The following SULT2B1 variants were observed in gnomAD, a reference collection of about 807,000 sequenced individuals.
SULT2B1 encodes the protein sulfotransferase family 2B member 1, also known as sulfotransferase 2B1.
Under a neutral mutation model 33.2 loss-of-function variants are expected in SULT2B1, and 16 were observed. The ratio of observed to expected loss-of-function variants is 0.48; its 90% CI spans 0.33 to 0.73. The LOEUF is 0.73. Ranked by LOEUF, SULT2B1 falls within the 30% of genes least tolerant of loss-of-function variation. The pLI, the probability that SULT2B1 is intolerant of heterozygous loss-of-function variation, is 0.02. For missense variants in SULT2B1, 500 were observed against 506.0 expected (o/e 0.99, Z 0.11); for synonymous variants, 186 against 200.5 (o/e 0.93, Z 0.61).
At chr19:48,574,261 C>A (rs1033876893) in intron 1 of SULT2B1, among the ~76,000 whole-genome samples, 7 of 152,102 alleles carry the variant, frequency 4.6e-5, no homozygotes, top group African/African-American at 1.7e-4. Context: ...TCCTGGTAAA[C>A]CCCTTCATTC....
At chr19:48,597,674 A>T (rs1243829257) in intron 6 of SULT2B1, among the ~76,000 whole-genome samples, 1 of 80,518 alleles carries the variant, frequency 1.2e-5, no homozygotes, top group Non-Finnish European at 2.2e-5. Flanking sequence ...ACGGAGTTTC[A>T]CTCTTGTTGC....
chr19:48,575,766 C>A, intron 1 of SULT2B1, 175 bp from the exon 2 acceptor site: 1 of 1,162,364 alleles, frequency 8.6e-7, no homozygotes, highest in Non-Finnish European at 1.2e-6. Context: ...CAGGAGTGTG[C>A]CACTGCGCCT....
rs1359276063 is a variant in SULT2B1, at chr19:48,596,913, C to A, written c.820C>A (p.Arg274=). 1 of 1,587,894 alleles carries A rather than the reference C, an allele frequency of 6.3e-7. No homozygotes were observed. Among genetic ancestry groups the A allele is most frequent in the East Asian group, 2.3e-5 (1 of 44,240 alleles). ...LLDHRRGAFL[R]KGVCGDWKNH... ...GGACCACCGTCGCGGGGCCTTCCTC[C>A]GGAAAGGTGCGGGGGTTCTGGGGTT... The change falls in exon 6 of 7, where the codon CGG becomes AGG. Residue 274 remains arginine, a synonymous_variant. Transcript: ENST00000201586.
At position 48,599,416 on chromosome 19, in the gene SULT2B1, C is replaced by A; in HGVS notation, c.*10C>A. 4.5e-6 allele frequency: 7 copies of A among 1,549,546 alleles called. No individual in the cohort carries two copies. The highest frequency in any genetic ancestry group is 1.2e-5 in the South Asian group (1 of 84,004). ...CCCACGACCCTCATAATAAACACGT[C>A]GATTCTGTCCAGGTTCCTTGATGCG... On this transcript the variant is annotated 3_prime_UTR_variant, in exon 7 of 7. Coordinates refer to ENST00000201586, the MANE Select transcript of SULT2B1 (RefSeq NM_177973.2). The surrounding 1 kb of genome is among the most constrained non-coding windows in gnomAD (Gnocchi z 4.1).
At chr19:48,590,172 A>T (rs1973625594) in intron 3 of SULT2B1, among the ~76,000 whole-genome samples, 1 of 151,918 alleles carries the variant, frequency 6.6e-6, no homozygotes, top group Non-Finnish European at 1.5e-5. Context: ...TATTTTCAGT[A>T]GAGACGGGGT....
intron 2 of SULT2B1, among the ~76,000 whole-genome samples, chr19:48,579,508 T>C (rs1973456357): frequency 6.6e-6 from 1 of 151,954 alleles, no homozygotes; most frequent in Non-Finnish European, 1.5e-5. Flanking sequence ...GCTCTCCATC[T>C]CCTGACCTCA....
At chr19:48,583,621 CA>C (rs1973523735) in intron 2 of SULT2B1, among the ~76,000 whole-genome samples, 1 of 151,656 alleles carries the variant, frequency 6.6e-6, no homozygotes, top group African/African-American at 2.4e-5. Flanking sequence ...AGTTCAAGAC[CA>C]GCCTGGCCAA....
At chr19:48,575,838 C>CT in intron 1 of SULT2B1, 103 bp from the exon 2 acceptor site, 2 of 1,528,826 alleles carry the variant, frequency 1.3e-6, no homozygotes, top group South Asian at 2.5e-5. Context: ...GACTGAGGCT[C>CT]TGAGGAGGAA....
At chr19:48,571,785 G>A (rs1442439645) in intron 1 of SULT2B1, among the ~76,000 whole-genome samples, 1 of 152,094 alleles carries the variant, frequency 6.6e-6, no homozygotes, top group Non-Finnish European at 1.5e-5. Context: ...GGCAGAGCAG[G>A]GGAAGAGGGT....
chr19:48,560,890 A>C (rs573193745), intron 1 of SULT2B1, among the ~76,000 whole-genome samples: 1 of 152,066 alleles, frequency 6.6e-6, no homozygotes, highest in South Asian at 2.1e-4. Context: ...TGAACCCGGG[A>C]GGCAGAGGCT....
In SULT2B1 at chr19:48,585,096, C is replaced by T. The variant is rs146658790; in HGVS notation, c.215-2133C>T. Among the ~76,000 whole-genome samples the T allele has an allele frequency of 7.8e-3, 1,130 of 145,358 alleles. 11 individuals are homozygous for T. The highest frequency in any genetic ancestry group is 0.028 in the African/African-American group (1,090 of 39,420). On this transcript the variant is annotated intron_variant, in intron 2 of 6. Coordinates refer to ENST00000201586, the MANE Select transcript of SULT2B1 (RefSeq NM_177973.2). ...AAGCTGGGTACATGTGGTCTAGCTA[C>T]TCCAGAGGCTGAGGTGGGAGGATCA... is the stretch of plus-strand genomic sequence containing the variant.
intron 2 of SULT2B1, among the ~76,000 whole-genome samples, chr19:48,577,756 C>T (rs993204584): frequency 2.0e-5 from 3 of 152,152 alleles, no homozygotes; most frequent in African/African-American, 7.2e-5. Context: ...TTATTAAACA[C>T]ATATTATGTG....
At chr19:48,569,379 T>A (rs1384454567) in intron 1 of SULT2B1, among the ~76,000 whole-genome samples, 1 of 15,554 alleles carries the variant, frequency 6.4e-5, no homozygotes, top group Non-Finnish European at 1.4e-4. Flanking sequence ...TATATATATA[T>A]ATATATATAT....
At chr19:48,561,040 G>C (rs546231889) in intron 1 of SULT2B1, among the ~76,000 whole-genome samples, 61 of 152,230 alleles carry the variant, frequency 4.0e-4, no homozygotes, top group African/African-American at 1.4e-3. Flanking sequence ...GCTGAGGCAG[G>C]AGGATTGTTT....
At chr19:48,575,277 TTTTG>T (rs1973388451) in intron 1 of SULT2B1, among the ~76,000 whole-genome samples, 1 of 149,008 alleles carries the variant, frequency 6.7e-6, no homozygotes, top group African/African-American at 2.5e-5. Context: ...CCTGGCTAAT[TTTTG>T]TTTTTGTTTT....
intron 1 of SULT2B1, among the ~76,000 whole-genome samples, chr19:48,562,667 T>C (rs1403566278): frequency 6.6e-6 from 1 of 152,132 alleles, no homozygotes; most frequent in Non-Finnish European, 1.5e-5. Flanking sequence ...ATGCAATATT[T>C]ATATAGACTT....
At chr19:48,576,939 C>T (rs1973420384) in intron 2 of SULT2B1, among the ~76,000 whole-genome samples, 1 of 151,348 alleles carries the variant, frequency 6.6e-6, no homozygotes, top group Non-Finnish European at 1.5e-5. Context: ...CCGCGCCTGG[C>T]TAAATTGTAT....
At chr19:48,581,256 C>T (rs1973483124) in intron 2 of SULT2B1, among the ~76,000 whole-genome samples, 1 of 144,568 alleles carries the variant, frequency 6.9e-6, no homozygotes, top group Non-Finnish European at 1.5e-5. Flanking sequence ...GTTGGTCAGG[C>T]TGGTCTCGAA....
intron 3 of SULT2B1, among the ~76,000 whole-genome samples, chr19:48,588,526 CCATAT>C (rs201948034): frequency 0.051 from 7,719 of 149,950 alleles, 673 homozygotes; most frequent in African/African-American, 0.18. Context: ...AAAAAAACCC[CCATAT>C]ATTATACTAC....
Sources: gnomAD v4.1 joint callset for allele counts (sites outside exome capture counted in the v4.1 genomes callset) on GRCh38, gnomAD v4.1.1 for gene constraint, Gnocchi (gnomAD v3.1) non-coding constraint, MANE v1.5 for transcripts, NCBI Gene and HGNC (gene_info 2026-07-23, HGNC 2026-07-21) for gene names.